MED22: variants seen among roughly 807,000 people sequenced by gnomAD.
MED22 encodes the protein mediator complex subunit 22.
MED22 carries 22 observed loss-of-function variants against 22.7 expected under a neutral mutation model. The ratio of observed to expected loss-of-function variants is 0.97; its 90% CI spans 0.69 to 1.38. The LOEUF is 1.38. Ranked by LOEUF, MED22 falls within the 40% of genes most tolerant of loss-of-function variation. The probability of loss-of-function intolerance (pLI) is 0.00; values close to 1 mark genes in which losing one functional copy is unlikely to be tolerated. For missense variants in MED22, 247 were observed against 263.0 expected (o/e 0.94, Z 0.42); for synonymous variants, 134 against 119.4 (o/e 1.12, Z -0.80).
rs985131667 is a variant in MED22, at chr9:133,343,201, C to T, written c.413+924G>A. 7 of 1,114,452 alleles carry T rather than the reference C, an allele frequency of 6.3e-6. No homozygotes were observed. The South Asian group carries it at 2.7e-4, about 43-fold the overall frequency. The allele number at this position is 1,114,452 out of a possible 1,614,324, so 69.0% of individuals were successfully genotyped here. The stretch of plus-strand genomic sequence containing the variant: ...TGCTGGCTCTGGATATCTGTGGCTC[C>T]CAGCATGGCCAATGGGCAGAAAGGA... On this transcript the variant is annotated intron_variant, in intron 4 of 4. Coordinates refer to ENST00000343730, the MANE Select transcript of MED22 (RefSeq NM_133640.5).
chr9:133,345,379 GGT>G (rs1212182306), intron 2 of MED22, 127 bp from the exon 3 acceptor site: 2 of 882,948 alleles, frequency 2.3e-6, no homozygotes, highest in African/African-American at 3.3e-5. Context: ...ACCTGTCTGT[GGT>G]GCCATCTACA....
chr9:133,341,235 A>T lies in MED22; in HGVS notation c.*270T>A, dbSNP rs1226664486. The T allele has an allele frequency of 2.2e-5, 8 of 367,848 alleles. No individual in the cohort carries two copies. The highest frequency in any genetic ancestry group is 5.7e-5 in the South Asian group (1 of 17,642). 22.8% of individuals were successfully genotyped at this position (367,848 alleles called of 1,614,324 possible). On this transcript the variant is annotated 3_prime_UTR_variant, in exon 5 of 5. Coordinates refer to ENST00000343730, the MANE Select transcript of MED22 (RefSeq NM_133640.5). ...CCAACGGGCCAGACCTAGCTTGGAA[A>T]CTTTCTTCCACCTGGCTGGCCAGGA...
In MED22 at chr9:133,344,152, T is replaced by C; in HGVS notation, c.386A>G (p.Glu129Gly). The C allele has an allele frequency of 6.2e-7, 1 of 1,614,176 alleles. No homozygotes were observed. The highest frequency in any genetic ancestry group is 8.5e-7 in the Non-Finnish European group (1 of 1,180,024). ...LRDEISIDLY[E>G]LEEEYYSSSS... is the part of the protein sequence containing the mutation. ...GGACGAGTAATACTCCTCCTCCAGC[T>C]CGTAGAGGTCAATGGAGATCTCGTC... The change falls in exon 4 of 5, where the codon GAG (glutamate) becomes GGG (glycine). Residue 129 changes from glutamate to glycine, a missense_variant. Physicochemically the swap from Glu to Gly is moderately conservative, Grantham distance 98 (BLOSUM62 -2). Coordinates refer to ENST00000343730, the MANE Select transcript of MED22 (RefSeq NM_133640.5).
chr9:133,345,100 A>G (rs1393553626), intron 3 of MED22, 72 bp downstream of exon 3: 2 of 1,485,968 alleles, frequency 1.3e-6, no homozygotes, highest in African/African-American at 2.8e-5. Flanking sequence ...AGCCCCCTCC[A>G]CTCCACCCAG....
At position 133,346,682 on chromosome 9, in the gene MED22, C is replaced by A. The variant is rs2129969678; in HGVS notation, c.-20G>T. ...GGCCATGGCCGAGCCTCAAGCAGCG[C>A]AGCGGGGAGACCTGGGACCTAGAGT... On this transcript the variant is annotated 5_prime_UTR_variant, in exon 2 of 5. Transcript: ENST00000343730. The A allele has an allele frequency of 6.8e-6, 11 of 1,609,044 alleles. No individual in the cohort carries two copies. Among genetic ancestry groups the A allele is most frequent in the South Asian group, 1.1e-5 (1 of 91,020 alleles).
At chr9:133,342,795 G>A in intron 4 of MED22, 1 of 985,758 alleles carries the variant, frequency 1.0e-6, no homozygotes, top group African/African-American at 1.7e-5. Context: ...GAGGGCATGG[G>A]AAGCCTGGCA....
At chr9:133,342,630 G>A in intron 4 of MED22, 1 of 986,216 alleles carries the variant, frequency 1.0e-6, no homozygotes, top group South Asian at 4.7e-5. Flanking sequence ...CCAGGACCTG[G>A]TCGCTTAAAG....
intron 4 of MED22, 68 bp from the exon 5 acceptor site, chr9:133,341,762 A>G (rs1364702664): frequency 6.4e-7 from 1 of 1,567,140 alleles, no homozygotes; most frequent in East Asian, 2.4e-5. Context: ...GGGAGGGGAG[A>G]GCAAGACAGA....
chr9:133,339,429 G>C lies in MED22; in HGVS notation c.*2076C>G. 3 of 786,860 alleles carry C rather than the reference G, an allele frequency of 3.8e-6. No individual in the cohort carries two copies. The Admixed American group carries it at 5.2e-5, about 14-fold the overall frequency. The allele number at this position is 786,860 out of a possible 1,614,324, so 48.7% of individuals were successfully genotyped here. On this transcript the variant is annotated 3_prime_UTR_variant, in exon 5 of 5. Transcript: ENST00000343730. ...TGAGAACCAATGGGAAGGAGCCTGA[G>C]CTGCTGGAACCTCTTCCCTATGAAT...
chr9:133,342,548 G>GGGC (rs1836038682), intron 4 of MED22: 1 of 985,886 alleles, frequency 1.0e-6, no homozygotes, highest in African/African-American at 1.8e-5. Context: ...AGCTCATGCG[G>GGGC]AACAGGGCAG....
chr9:133,345,117 T>C (rs2129963676), intron 3 of MED22, 55 bp downstream of exon 3: 2 of 1,578,098 alleles, frequency 1.3e-6, no homozygotes, highest in South Asian at 1.1e-5. Flanking sequence ...CCAGGAAACC[T>C]GAGGGGACTG....
Position 133,345,242 on chromosome 9 carries a change from T to G in MED22, c.134A>C (p.Glu45Ala). 6.2e-7 allele frequency: 1 copy of G among 1,614,010 alleles called. No individual in the cohort carries two copies. The highest frequency in any genetic ancestry group is 2.2e-5 in the East Asian group (1 of 44,866). ...EIIKTAKIED[E>A]TQVSRATQGE... ...CTGAGTGGCCCGTGACACCTGCGTC[T>G]CGTCCTCAATCTGGGGGAAAACAAG... is the stretch of plus-strand genomic sequence containing the variant. Residue 45 changes from glutamate (E) to alanine (A), a missense_variant, in exon 3 of 5, where the codon GAG becomes GCG. Physicochemically the swap from Glu to Ala is moderately radical, Grantham distance 107 (BLOSUM62 -1). Transcript: ENST00000343730.
chr9:133,339,326 GAA>G lies in MED22; in HGVS notation c.*2177_*2178del, dbSNP rs1393283190. 6.2e-5 allele frequency: 44 copies of G among 714,836 alleles called. No individual in the cohort carries two copies. In the Admixed American group the frequency reaches 7.5e-4, roughly 12 times the overall value. The allele number at this position is 714,836 out of a possible 1,614,324, so 44.3% of individuals were successfully genotyped here. A position where few individuals can be genotyped will look rare whatever the true frequency, so the allele number is the denominator to read the frequency against. ...TGAAACGCGTGAAGGAAAATGATCAGAAAAAGAGGGAAGCCAAAGAGAAAGGT... is the reference window on the plus strand; with the variant it reads ...TGAAACGCGTGAAGGAAAATGATCAGAAAGAGGGAAGCCAAAGAGAAAGGT... On this transcript the variant is annotated 3_prime_UTR_variant, in exon 5 of 5. Coordinates refer to ENST00000343730, the MANE Select transcript of MED22 (RefSeq NM_133640.5).
In MED22 at chr9:133,343,398, C is replaced by G. The variant is rs1297631017; in HGVS notation, c.413+727G>C. 6 of 1,227,464 alleles carry G rather than the reference C, an allele frequency of 4.9e-6. No individual in the cohort carries two copies. The East Asian group carries it at 1.9e-4, about 39-fold the overall frequency. 76.0% of individuals were successfully genotyped at this position (1,227,464 alleles called of 1,614,324 possible). ...CCCCTAAGTAAATGATACGTAGACT[C>G]TGATTTCTCAGGGCCCCTCCAGCTC... On this transcript the variant is annotated intron_variant, in intron 4 of 4. Coordinates refer to ENST00000343730, the MANE Select transcript of MED22 (RefSeq NM_133640.5).
At position 133,338,708 on chromosome 9, in the gene MED22, C is replaced by CCACCGCG; in HGVS notation, c.*2796_*2797insCGCGGTG. The CCACCGCG allele has an allele frequency of 3.4e-6, 1 of 293,108 alleles. No homozygotes were observed. Among genetic ancestry groups the CCACCGCG allele is most frequent in the East Asian group, 8.4e-5 (1 of 11,930 alleles). The allele number at this position is 293,108 out of a possible 1,614,324, so 18.2% of individuals were successfully genotyped here. On this transcript the variant is annotated 3_prime_UTR_variant, in exon 5 of 5. Transcript: ENST00000343730. ...CCGCCCGCCTTGGCCTCCCAAAGTGCTGGGGTTGCAGGCGTAAGCCACCGC... is the reference window on the plus strand; with the variant it reads ...CCGCCCGCCTTGGCCTCCCAAAGTGCCACCGCGTGGGGTTGCAGGCGTAAGCCACCGC...
chr9:133,341,776 A>C, intron 4 of MED22, 82 bp from the exon 5 acceptor site: 10 of 1,547,626 alleles, frequency 6.5e-6, no homozygotes, highest in Non-Finnish European at 8.7e-6. Context: ...AGACAGAAGC[A>C]GAGTTAAGAA....
rs2129949128 is a variant in MED22 at position 133,341,566 on chromosome 9, AGGGGGCCAGCACTGGGCTCC to A, written c.522_541del (p.Glu175ThrfsTer17). Reference sequence around the variant, plus strand: ...GGAGTGGGCAGGGGCTGCCACCTGTAGGGGGCCAGCACTGGGCTCCGGGGACGCCAGCAGAGGGGCCGAGA... The same window carrying A: ...GGAGTGGGCAGGGGCTGCCACCTGTAGGGGACGCCAGCAGAGGGGCCGAGA... On this transcript the variant is annotated frameshift_variant, in exon 5 of 5. Coordinates refer to ENST00000343730, the MANE Select transcript of MED22 (RefSeq NM_133640.5). LOFTEE classifies it high-confidence loss of function. 5.1e-6 allele frequency: 8 copies of A among 1,561,836 alleles called. No individual in the cohort carries two copies. The highest frequency in any genetic ancestry group is 6.9e-6 in the Non-Finnish European group (8 of 1,161,160).
In MED22 at chr9:133,342,956, C is replaced by T. The variant is rs183646756; in HGVS notation, c.413+1169G>A. 2.8e-4 allele frequency: 272 copies of T among 985,774 alleles called. 2 individuals carry two copies. The South Asian group carries it at 0.011, about 38-fold the overall frequency. The allele number at this position is 985,774 out of a possible 1,614,324, so 61.1% of individuals were successfully genotyped here. ...GGGACGGTGGCTGCCTCAAAGAGAC[C>T]GACAAACTGAACAGCTGTGGAAGGA... On this transcript the variant is annotated intron_variant, in intron 4 of 4. Coordinates refer to ENST00000343730, the MANE Select transcript of MED22 (RefSeq NM_133640.5).
At position 133,339,517 on chromosome 9, in the gene MED22, A is replaced by T. The variant is rs1460368204; in HGVS notation, c.*1988T>A. 1.0e-5 allele frequency: 6 copies of T among 585,968 alleles called. No homozygotes were observed. In the Admixed American group the frequency reaches 1.1e-4, roughly 11 times the overall value. 36.3% of individuals were successfully genotyped at this position (585,968 alleles called of 1,614,324 possible). The stretch of plus-strand genomic sequence containing the variant: ...TGGACTAGAAAGAAAAAAAATAGGC[A>T]TTAAAAAAACTATTTGGGGAACAAC... On this transcript the variant is annotated 3_prime_UTR_variant, in exon 5 of 5. Coordinates refer to ENST00000343730, the MANE Select transcript of MED22 (RefSeq NM_133640.5).
Sources: gnomAD v4.1 joint callset for allele counts on GRCh38, gnomAD v4.1.1 for gene constraint, MANE v1.5 for transcripts, NCBI Gene and HGNC (gene_info 2026-07-23, HGNC 2026-07-21) for gene names.